Variants in PLEKHG3 observed in about 807,000 individuals in gnomAD.
The protein encoded by PLEKHG3 is pleckstrin homology and RhoGEF domain containing G3.
In PLEKHG3, 62 loss-of-function variants were observed where a neutral mutation model predicts 94.9. The ratio of observed to expected loss-of-function variants is 0.65; its 90% CI spans 0.53 to 0.81. The LOEUF is 0.81. Ranked by LOEUF, PLEKHG3 falls within the 30% of genes least tolerant of loss-of-function variation. The probability of loss-of-function intolerance (pLI) is 0.00; values close to 1 mark genes in which losing one functional copy is unlikely to be tolerated. For synonymous variants in PLEKHG3, 614 were observed against 654.0 expected, an observed-to-expected ratio of 0.94 and a Z score of 0.93; for missense variants, 1,461 against 1,619.3, an observed-to-expected ratio of 0.90 and a Z score of 1.68.
At position 64,726,752 on chromosome 14, in the gene PLEKHG3, C is replaced by T. The variant is rs2081360750; in HGVS notation, c.-39-841C>T. 6.6e-6 allele frequency among the ~76,000 whole-genome samples: 1 copy of T among 152,176 alleles called. No individual in the cohort carries two copies. Among genetic ancestry groups the T allele is most frequent in the South Asian group, 2.1e-4 (1 of 4,836 alleles). On this transcript the variant is annotated intron_variant, in intron 1 of 16. Transcript: ENST00000247226. This position sits in a 1 kb window ranked among gnomAD's most constrained non-coding sequence, Gnocchi z 5.1. ...GAATTTCCTGGGGCCTGGGATGAGT[C>T]AGAGGCAGCCTGTACCAGGTGCTGG...
rs1168846930 is a variant in PLEKHG3 at position 64,744,555 on chromosome 14, C to T, written c.*852C>T. The T allele has an allele frequency of 6.6e-6, 1 of 152,122 alleles. No homozygotes were observed. The highest frequency in any genetic ancestry group is 1.5e-5 in the Non-Finnish European group (1 of 68,016). 9.4% of individuals were successfully genotyped at this position (152,122 alleles called of 1,614,324 possible). On this transcript the variant is annotated 3_prime_UTR_variant, in exon 17 of 17. Transcript: ENST00000247226. ...TTTTTCTTTCTGCTGCCTAGACTCC[C>T]ATGGGCTTCTCTGTCTAGCAGCAGC...
At position 64,716,842 on chromosome 14, in the gene PLEKHG3, A is replaced by G. The variant is rs915855378; in HGVS notation, c.-39-10751A>G. The stretch of plus-strand genomic sequence containing the variant: ...CCGTGTCTCTACACGTGTGCACCCC[A>G]GAATTGGGATTGGGTAATACTGCCC... On this transcript the variant is annotated intron_variant, in intron 1 of 16. Transcript: ENST00000247226. This position sits in a 1 kb window ranked among gnomAD's most constrained non-coding sequence, Gnocchi z 5.0. Among the ~76,000 whole-genome samples the G allele has an allele frequency of 1.3e-5, 2 of 152,158 alleles. No homozygotes were observed. The highest frequency in any genetic ancestry group is 4.8e-5 in the African/African-American group (2 of 41,426).
rs760500455 is a variant in PLEKHG3 at position 64,721,624 on chromosome 14, T to A, written c.-39-5969T>A. On this transcript the variant is annotated intron_variant, in intron 1 of 16. Transcript: ENST00000247226. The surrounding 1 kb of genome is among the most constrained non-coding windows in gnomAD (Gnocchi z 4.3). ...CTGTTGGCACAGCCTCTGCAGGCAG[T>A]CACGTTGCTCACATGCACACAAAGT... Among the ~76,000 whole-genome samples the A allele has an allele frequency of 6.6e-6, 1 of 152,104 alleles. No homozygotes were observed. The highest frequency in any genetic ancestry group is 1.5e-5 in the Non-Finnish European group (1 of 68,022).
In PLEKHG3 at chr14:64,716,496, A is replaced by AACACACACAC. The variant is rs58480790; in HGVS notation, c.-39-11051_-39-11042dup. 0.037 allele frequency among the ~76,000 whole-genome samples: 2,913 copies of AACACACACAC among 79,452 alleles called. 179 individuals carry two copies. Among genetic ancestry groups the AACACACACAC allele is most frequent in the East Asian group, 0.12 (245 of 2,038 alleles). The allele number at this position is 79,452 out of a possible 152,430, so 52.1% of individuals were successfully genotyped here. A position where few individuals can be genotyped will look rare whatever the true frequency, so the allele number is the denominator to read the frequency against. On this transcript the variant is annotated intron_variant, in intron 1 of 16. Transcript: ENST00000247226. The surrounding 1 kb of genome is among the most constrained non-coding windows in gnomAD (Gnocchi z 5.0). Reference sequence around the variant, plus strand: ...ACACACACACAACACACACACACACAACACACACACACACACACACACACA... The same window carrying AACACACACAC: ...ACACACACACAACACACACACACACAACACACACACACACACACACACACACACACACACA...
chr14:64,734,730 TTTCC>T (rs1235472969), intron 12 of PLEKHG3, among the ~76,000 whole-genome samples: 21 of 136,502 alleles, frequency 1.5e-4, no homozygotes, highest in South Asian at 2.7e-4. Context: ...TCCTTCCTTC[TTTCC>T]TTCCTTCCTT....
rs184311965 is a variant in PLEKHG3 at position 64,743,569 on chromosome 14, C to G, written c.3526C>G (p.Gln1176Glu). The G allele has an allele frequency of 5.1e-5, 83 of 1,612,946 alleles. 2 individuals carry two copies. In the Admixed American group the frequency reaches 9.7e-4, roughly 19 times the overall value. ...AAGCTCACCGGTGGCCCTGCTGGGG[C>G]AGGTTCAGGACTTCCAGCAGTCTGC... Reference protein sequence around the residue: ...GPSSPVALLGQVQDFQQSAEC... With the variant: ...GPSSPVALLGEVQDFQQSAEC... The change falls in exon 17 of 17, where the codon CAG becomes GAG. Residue 1176 changes from glutamine (Q) to glutamate (E), a missense_variant. Coordinates refer to ENST00000247226, the MANE Select transcript of PLEKHG3 (RefSeq NM_001308147.2). The surrounding 1 kb of genome is among the most constrained non-coding windows in gnomAD (Gnocchi z 7.2).
intron 1 of PLEKHG3, among the ~76,000 whole-genome samples, chr14:64,719,791 C>A (rs2139370364): frequency 6.6e-6 from 1 of 152,122 alleles, no homozygotes; most frequent in Admixed American, 6.5e-5. Context: ...AACAAGCAGC[C>A]CCTGAAATGG....
chr14:64,733,020 C>A (rs913714634), intron 12 of PLEKHG3, 119 bp downstream of exon 12: 5 of 666,186 alleles, frequency 7.5e-6, no homozygotes, highest in African/African-American at 7.2e-5. Context: ...CTGGGAAAGG[C>A]TAGAGCGGGG....
At position 64,723,019 on chromosome 14, in the gene PLEKHG3, GGTGCTGAGGCGTA is replaced by G. The variant is rs1284953525; in HGVS notation, c.-39-4570_-39-4558del. ...TTCCTGTTGGGTCAGAATGGGGCAT[GGTGCTGAGGCGTA>G]GTGGGGAGGGGAAGGATGTGGCCCC... On this transcript the variant is annotated intron_variant, in intron 1 of 16. Coordinates refer to ENST00000247226, the MANE Select transcript of PLEKHG3 (RefSeq NM_001308147.2). This position sits in a 1 kb window ranked among gnomAD's most constrained non-coding sequence, Gnocchi z 4.5. Among the ~76,000 whole-genome samples, 1 of 152,152 alleles carries G rather than the reference GGTGCTGAGGCGTA, an allele frequency of 6.6e-6. No homozygotes were observed. Among genetic ancestry groups the G allele is most frequent in the Non-Finnish European group, 1.5e-5 (1 of 68,022 alleles).
intron 16 of PLEKHG3, 66 bp from the exon 17 acceptor site, chr14:64,742,916 C>A: frequency 1.9e-6 from 3 of 1,560,950 alleles, no homozygotes; most frequent in Non-Finnish European, 2.6e-6. Context: ...GGGGCCTGCT[C>A]AGAGCACCCC....
Position 64,731,200 on chromosome 14 carries a change from G to T in PLEKHG3, c.849+31G>T. 6.7e-7 allele frequency: 1 copy of T among 1,500,374 alleles called. No homozygotes were observed. The highest frequency in any genetic ancestry group is 1.7e-5 in the Admixed American group (1 of 59,154). The allele number at this position is 1,500,374 out of a possible 1,614,324, so 92.9% of individuals were successfully genotyped here. On this transcript the variant is annotated intron_variant, in intron 7 of 16. Transcript: ENST00000247226. The surrounding 1 kb of genome is among the most constrained non-coding windows in gnomAD (Gnocchi z 6.1). ...CTGGGGCTGGGACGCTGGGGGAGGG[G>T]CAGGGCTGGGTGGGCCAGGCTTCCG... is the stretch of plus-strand genomic sequence containing the variant.
rs1273464515 is a variant in PLEKHG3, at chr14:64,720,038, T to C, written c.-39-7555T>C. 1.3e-5 allele frequency among the ~76,000 whole-genome samples: 2 copies of C among 152,216 alleles called. No individual in the cohort carries two copies. Among genetic ancestry groups the C allele is most frequent in the Non-Finnish European group, 2.9e-5 (2 of 68,028 alleles). ...TGACAAGTTGTGCTGGCAGCCAAGT[T>C]ACCTCTACACTGGCTGTGAACAAGA... On this transcript the variant is annotated intron_variant, in intron 1 of 16. Coordinates refer to ENST00000247226, the MANE Select transcript of PLEKHG3 (RefSeq NM_001308147.2). This position sits in a 1 kb window ranked among gnomAD's most constrained non-coding sequence, Gnocchi z 4.1.
intron 1 of PLEKHG3, among the ~76,000 whole-genome samples, chr14:64,705,662 T>G (rs775072855): frequency 3.3e-5 from 5 of 152,100 alleles, no homozygotes; most frequent in Non-Finnish European, 5.9e-5. Flanking sequence ...TGGCCCTTGC[T>G]CAAGAAATAA....
rs567624946 is a variant in PLEKHG3 at position 64,747,768 on chromosome 14, G to A, written c.*4065G>A. 1 of 152,528 alleles carries A rather than the reference G, an allele frequency of 6.6e-6. No homozygotes were observed. Among genetic ancestry groups the A allele is most frequent in the African/African-American group, 2.4e-5 (1 of 41,538 alleles). The allele number at this position is 152,528 out of a possible 1,614,324, so 9.4% of individuals were successfully genotyped here. A position where few individuals can be genotyped will look rare whatever the true frequency, so the allele number is the denominator to read the frequency against. ...ACTGCAGGCCCTGGGGACTTTCATG[G>A]TTTCCTTGGGGGAAAATGCCTGCTG... On this transcript the variant is annotated 3_prime_UTR_variant, in exon 17 of 17. Transcript: ENST00000247226.
intron 1 of PLEKHG3, among the ~76,000 whole-genome samples, chr14:64,719,021 C>T (rs566201181): frequency 6.6e-6 from 1 of 152,182 alleles, no homozygotes; most frequent in South Asian, 2.1e-4. Context: ...TCTGCTATAG[C>T]TGCGGGATTC....
rs138613920 is a variant in PLEKHG3, at chr14:64,716,467, A to C, written c.-39-11126A>C. Among the ~76,000 whole-genome samples, 11,438 of 57,902 alleles carry C rather than the reference A, an allele frequency of 0.2. 573 individuals carry two copies. Among genetic ancestry groups the C allele is most frequent in the African/African-American group, 0.24 (4,104 of 17,032 alleles). The allele number at this position is 57,902 out of a possible 152,430, so 38.0% of individuals were successfully genotyped here. The stretch of plus-strand genomic sequence containing the variant: ...ACACACACACACACACACACACACA[A>C]CACACACACACACAACACACACACA... On this transcript the variant is annotated intron_variant, in intron 1 of 16. Coordinates refer to ENST00000247226, the MANE Select transcript of PLEKHG3 (RefSeq NM_001308147.2). The surrounding 1 kb of genome is among the most constrained non-coding windows in gnomAD (Gnocchi z 5.0).
Position 64,737,516 on chromosome 14 carries a change from G to A in PLEKHG3, c.1404+141G>A. The A allele has an allele frequency of 9.4e-6, 6 of 638,760 alleles. No individual in the cohort carries two copies. The South Asian group carries it at 1.2e-4, about 13-fold the overall frequency. 39.6% of individuals were successfully genotyped at this position (638,760 alleles called of 1,614,324 possible). On this transcript the variant is annotated intron_variant, in intron 14 of 16. Coordinates refer to ENST00000247226, the MANE Select transcript of PLEKHG3 (RefSeq NM_001308147.2). ...CACCCACTGTGTACCAGGCTGTGTG[G>A]CTTAGGGCCACAGAGATGAATAAGA...
At position 64,743,263 on chromosome 14, in the gene PLEKHG3, C is replaced by A. The variant is rs1340405470; in HGVS notation, c.3220C>A (p.Pro1074Thr). 1 of 1,606,550 alleles carries A rather than the reference C, an allele frequency of 6.2e-7. No homozygotes were observed. Among genetic ancestry groups the A allele is most frequent in the Non-Finnish European group, 8.5e-7 (1 of 1,178,680 alleles). ...AGCAGGGGGCGGCCGGCCCCGCGGC[C>A]CACCCGTCAACAGGAGCCACTCGGT... ...RRAGGGRPRG[P>T]PVNRSHSVPE... is the part of the protein sequence containing the mutation. Residue 1074 changes from proline (P) to threonine (T), a missense_variant, in exon 17 of 17, where the codon CCA (proline) becomes ACA (threonine). By Grantham distance (38) the Pro-to-Thr change is conservative. Coordinates refer to ENST00000247226, the MANE Select transcript of PLEKHG3 (RefSeq NM_001308147.2). This position sits in a 1 kb window ranked among gnomAD's most constrained non-coding sequence, Gnocchi z 7.2.
rs761315155 is a variant in PLEKHG3, at chr14:64,749,311, T to A, written c.*5608T>A. ...GCGCCCGCCAGCCCCACCTGCTACTTCTTTTTGGGGAAGAAGCTGAATCTC... is the reference window on the plus strand; with the variant it reads ...GCGCCCGCCAGCCCCACCTGCTACTACTTTTTGGGGAAGAAGCTGAATCTC... On this transcript the variant is annotated 3_prime_UTR_variant, in exon 17 of 17. Coordinates refer to ENST00000247226, the MANE Select transcript of PLEKHG3 (RefSeq NM_001308147.2). The surrounding 1 kb of genome is among the most constrained non-coding windows in gnomAD (Gnocchi z 4.7). The A allele has an allele frequency of 7.5e-6, 12 of 1,602,390 alleles. No homozygotes were observed. The highest frequency in any genetic ancestry group is 6.7e-5 in the South Asian group (6 of 89,798).
Sources: gnomAD v4.1 joint callset for allele counts (sites outside exome capture counted in the v4.1 genomes callset) on GRCh38, gnomAD v4.1.1 for gene constraint, Gnocchi (gnomAD v3.1) non-coding constraint, MANE v1.5 for transcripts, NCBI Gene and HGNC (gene_info 2026-07-23, HGNC 2026-07-21) for gene names.